ZNF479: variants seen among roughly 807,000 people sequenced by gnomAD.
ZNF479 encodes KRAB zinc finger protein KR19.
Under a neutral mutation model 14.7 loss-of-function variants are expected in ZNF479, and 15 were observed. That is an observed-to-expected ratio of 1.02 (90% confidence interval 0.68 to 1.57). ZNF479 has a LOEUF of 1.57. ZNF479 is among the 40% of genes most tolerant of loss of function. ZNF479 has a pLI of 0.00. For missense variants in ZNF479, 506 were observed against 615.1 expected (o/e 0.82, Z 1.88); for synonymous variants, 145 against 211.5 (o/e 0.69, Z 2.73).
At chr7:57,135,004 T>G (rs1490092517), upstream of ZNF479, among the ~76,000 whole-genome samples, 1 of 152,070 alleles carries the variant, frequency 6.6e-6, no homozygotes, top group African/African-American at 2.4e-5. Flanking sequence ...TTGTACGAGA[T>G]CCAAGAACCC....
chr7:57,122,014 T>G (rs1162791321), intron 3 of ZNF479, among the ~76,000 whole-genome samples: 1 of 151,452 alleles, frequency 6.6e-6, no homozygotes, highest in Non-Finnish European at 1.5e-5. Flanking sequence ...CTGAAAAAAT[T>G]TTAAAGTAAG....
At chr7:57,131,292 G>A (rs1174026083) in intron 1 of ZNF479, among the ~76,000 whole-genome samples, 3 of 151,992 alleles carry the variant, frequency 2.0e-5, no homozygotes, top group African/African-American at 7.2e-5. Context: ...GCTGGGTGCG[G>A]TGGCTCACAC....
intron 1 of ZNF479, among the ~76,000 whole-genome samples, chr7:57,138,584 G>T (rs1256500178): frequency 1.3e-5 from 2 of 152,010 alleles, no homozygotes; most frequent in Non-Finnish European, 2.9e-5. Context: ...CTTATACCCG[G>T]ACCCAGCCAG....
Position 57,118,166 on chromosome 7 carries a change from C to T in ZNF479, c.*1674G>A, listed in dbSNP as rs1554399375. ...TTCATTACATGTTTAGACTTTCTCT[C>T]CAATATAAATTCTCTAATGTTCAAC... On this transcript the variant is annotated 3_prime_UTR_variant, in exon 4 of 4. Coordinates refer to ENST00000319636, the MANE Select transcript of ZNF479 (RefSeq NM_001370129.2). 6.6e-6 allele frequency among the ~76,000 whole-genome samples: 1 copy of T among 152,262 alleles called. No individual in the cohort carries two copies.
intron 1 of ZNF479, among the ~76,000 whole-genome samples, chr7:57,128,558 T>C (rs1786282901): frequency 6.6e-6 from 1 of 152,210 alleles, no homozygotes; most frequent in South Asian, 2.1e-4. Flanking sequence ...CCTTCTAATG[T>C]TCAACAGCTA....
chr7:57,132,406 A>G lies in ZNF479; in HGVS notation c.-82T>C, dbSNP rs1300759518. 1 of 1,607,006 alleles carries G rather than the reference A, an allele frequency of 6.2e-7. No individual in the cohort carries two copies. Among genetic ancestry groups the G allele is most frequent in the African/African-American group, 1.3e-5 (1 of 74,748 alleles). ...AGGACACAGAGCAGTGAAGAGGAGAACTGCAGCTCTGGACGCAGAGAAACA... is the reference window on the plus strand; with the variant it reads ...AGGACACAGAGCAGTGAAGAGGAGAGCTGCAGCTCTGGACGCAGAGAAACA... On this transcript the variant is annotated 5_prime_UTR_variant, in exon 1 of 4. Coordinates refer to ENST00000319636, the MANE Select transcript of ZNF479 (RefSeq NM_001370129.2).
At chr7:57,124,288 A>G (rs892278394) in intron 3 of ZNF479, among the ~76,000 whole-genome samples, 10 of 152,214 alleles carry the variant, frequency 6.6e-5, no homozygotes, top group African/African-American at 2.4e-4. Context: ...ATGATAGAAC[A>G]AAATAGAAAG....
chr7:57,119,537 G>T lies in ZNF479; in HGVS notation c.*303C>A. ...CAGGAGAATCGCTTGAACCCGGAAG[G>T]CAGAGGTTACAGTGAGCTGAGATCA... On this transcript the variant is annotated 3_prime_UTR_variant, in exon 4 of 4. Transcript: ENST00000319636. 3.6e-6 allele frequency: 1 copy of T among 279,256 alleles called. No individual in the cohort carries two copies. Among genetic ancestry groups the T allele is most frequent in the Non-Finnish European group, 6.8e-6 (1 of 146,414 alleles). The allele number at this position is 279,256 out of a possible 1,614,324, so 17.3% of individuals were successfully genotyped here. A position where few individuals can be genotyped will look rare whatever the true frequency, so the allele number is the denominator to read the frequency against.
chr7:57,127,944 T>A (rs1218165114), intron 1 of ZNF479, among the ~76,000 whole-genome samples: 2,977 of 148,380 alleles, frequency 0.02, 94 homozygotes, highest in African/African-American at 0.065. Context: ...TATATTTTTT[T>A]TTTTTTTTTG....
chr7:57,120,057 G>A lies in ZNF479; in HGVS notation c.1358C>T (p.Thr453Ile), dbSNP rs1785840003. Residue 453 changes from threonine to isoleucine, a missense_variant, in exon 4 of 4, where the codon ACT becomes ATT. Thr to Ile is a moderately conservative substitution (Grantham distance 89). Around this residue, in one of 3 missense-constraint regions of ZNF479, gnomAD observed 72 missense variants for 97.6 expected, o/e 0.74. Coordinates refer to ENST00000319636, the MANE Select transcript of ZNF479 (RefSeq NM_001370129.2). ...TCCAGTATGAATTCTCTTGTGGTCA[G>A]TGAGGGTTGAGGATAAGCTAAAGGC... Reference protein sequence around the residue: ...GKAFSLSSTLTDHKRIHTGER... With the variant: ...GKAFSLSSTLIDHKRIHTGER... The A allele has an allele frequency of 4.3e-6, 7 of 1,613,280 alleles. No homozygotes were observed. The Middle Eastern group carries it at 5.0e-4, about 114-fold the overall frequency.
rs782792600 is a variant in ZNF479 at position 57,119,812 on chromosome 7, A to G, written c.*28T>C. The stretch of plus-strand genomic sequence containing the variant: ...TCCAGTGTAAATTATTTTATGTATT[A>G]TAAGGCCTGAGGGTGGACTTTGCCA... On this transcript the variant is annotated 3_prime_UTR_variant, in exon 4 of 4. Transcript: ENST00000319636. The G allele has an allele frequency of 1.6e-5, 25 of 1,576,676 alleles. No individual in the cohort carries two copies. The highest frequency in any genetic ancestry group is 2.1e-5 in the Non-Finnish European group (24 of 1,155,700).
rs554353280 is a variant in ZNF479, at chr7:57,138,507, T to C, written c.-15+1101A>G. ...CACAGTTAGAATATTGACCATCCAA[T>C]GTGGATCTGTCCAAAGGTCAGATGG... On this transcript the variant is annotated intron_variant, in intron 1 of 4. Transcript: ENST00000331162. Among the ~76,000 whole-genome samples the C allele has an allele frequency of 7.0e-4, 106 of 152,250 alleles. 1 individual carries two copies. Among genetic ancestry groups the C allele is most frequent in the African/African-American group, 2.3e-3 (94 of 41,554 alleles).
chr7:57,122,903 A>G (rs1236465248), intron 3 of ZNF479, among the ~76,000 whole-genome samples: 1 of 152,156 alleles, frequency 6.6e-6, no homozygotes, highest in Non-Finnish European at 1.5e-5. Context: ...AAATATTGAC[A>G]GAAATGAAGC....
Position 57,119,970 on chromosome 7 carries a change from T to C in ZNF479, c.1445A>G (p.Gln482Arg), listed in dbSNP as rs782638599. The C allele has an allele frequency of 7.4e-6, 12 of 1,613,314 alleles. No homozygotes were observed. Among genetic ancestry groups the C allele is most frequent in the African/African-American group, 1.3e-5 (1 of 74,810 alleles). Reference protein sequence around the residue: ...KAFNCSSTLMQHKRIHTGEKP... With the variant: ...KAFNCSSTLMRHKRIHTGEKP... ...CTCTCCAGTATGAATTCTCTTATGT[T>C]GCATAAGGGTTGAGGAGCAATTAAA... Residue 482 changes from glutamine to arginine, a missense_variant, in exon 4 of 4, where the codon CAA (glutamine) becomes CGA (arginine). Gln to Arg is a conservative substitution (Grantham distance 43). Coordinates refer to ENST00000319636, the MANE Select transcript of ZNF479 (RefSeq NM_001370129.2).
upstream of ZNF479, among the ~76,000 whole-genome samples, chr7:57,134,288 A>T (rs112004024): frequency 6.6e-6 from 1 of 152,186 alleles, no homozygotes; most frequent in African/African-American, 2.4e-5. Context: ...ACCAAAACCA[A>T]GGTGGGAATG....
At chr7:57,127,398 T>C (rs1042796372) in intron 1 of ZNF479, 1 of 211,674 alleles carries the variant, frequency 4.7e-6, no homozygotes, top group Non-Finnish European at 8.2e-6. Flanking sequence ...AGAACAGTCA[T>C]GATGAGTTGG....
At chr7:57,135,873 C>A (rs1011908547), upstream of ZNF479, among the ~76,000 whole-genome samples, 1 of 152,124 alleles carries the variant, frequency 6.6e-6, no homozygotes, top group Non-Finnish European at 1.5e-5. Flanking sequence ...AACCAACAAG[C>A]AGCCACCTAA....
chr7:57,121,353 G>A (rs1449277407), intron 3 of ZNF479, among the ~76,000 whole-genome samples: 2 of 152,150 alleles, frequency 1.3e-5, no homozygotes, highest in Non-Finnish European at 2.9e-5. Context: ...TATAAATAAA[G>A]TAAGTGTGTG....
chr7:57,129,182 G>A (rs1786311572), intron 1 of ZNF479, among the ~76,000 whole-genome samples: 1 of 152,142 alleles, frequency 6.6e-6, no homozygotes, highest in Non-Finnish European at 1.5e-5. Flanking sequence ...GAACCGCACT[G>A]ACCTCTTCCT....
Sources: allele counts gnomAD v4.1 joint callset (sites outside exome capture counted in the v4.1 genomes callset), GRCh38; gene constraint gnomAD v4.1.1; regional missense constraint gnomAD v4.1.1; transcripts MANE v1.5; gene names NCBI Gene and HGNC (gene_info 2026-07-23, HGNC 2026-07-21).